AGA: variants seen among roughly 807,000 people sequenced by gnomAD.
AGA encodes the protein aspartylglucosaminidase.
Under a neutral mutation model 40.1 loss-of-function variants are expected in AGA, and 31 were observed. That is an observed-to-expected ratio of 0.77 (90% CI 0.58 to 1.04). The LOEUF is 1.04. Among genes scored for constraint, AGA ranks in the 50% least tolerant of loss-of-function variants. The pLI is 0.00. For synonymous variants in AGA, 148 were observed against 144.0 expected (o/e 1.03, Z -0.20); for missense variants, 445 against 435.4 (o/e 1.02, Z -0.20).
intron 6 of AGA, 86 bp downstream of exon 6, chr4:177,436,190 G>T: frequency 9.0e-7 from 1 of 1,111,582 alleles, no homozygotes; most frequent in Non-Finnish European, 1.4e-6. Flanking sequence ...GACTAGGGCT[G>T]TGCTTTGCAA....
At position 177,434,256 on chromosome 4, in the gene AGA, G is replaced by A. The variant is rs533594414; in HGVS notation, c.806+126C>T. 16 of 868,856 alleles carry A rather than the reference G, an allele frequency of 1.8e-5. No individual in the cohort carries two copies. In the South Asian group the frequency reaches 1.9e-4, roughly 10 times the overall value. 53.8% of individuals were successfully genotyped at this position (868,856 alleles called of 1,614,324 possible). The stretch of plus-strand genomic sequence containing the variant: ...GACCTCAGGTGATCCACCTGCCTCA[G>A]TCTCCCAAAATGCTAGGATTACAGT... On this transcript the variant is annotated intron_variant, in intron 7 of 8. Transcript: ENST00000264595.
intron 5 of AGA, 27 bp from the exon 6 acceptor site, chr4:177,436,378 G>A (rs1736820560): frequency 2.1e-5 from 33 of 1,550,734 alleles, no homozygotes; most frequent in African/African-American, 6.8e-5. Context: ...AAAAATCACT[G>A]TAGGTGTATA....
In AGA at chr4:177,431,411, C is replaced by A; in HGVS notation, c.*297G>T. ...TTAATATATCACTGTGGAAATAAATCTCAAAGTAGCAATTTTTTGCAACAC... is the reference window on the plus strand; with the variant it reads ...TTAATATATCACTGTGGAAATAAATATCAAAGTAGCAATTTTTTGCAACAC... On this transcript the variant is annotated 3_prime_UTR_variant, in exon 9 of 9. Transcript: ENST00000264595. 2.3e-6 allele frequency: 1 copy of A among 441,636 alleles called. No individual in the cohort carries two copies. The allele number at this position is 441,636 out of a possible 1,614,324, so 27.4% of individuals were successfully genotyped here.
intron 3 of AGA, 44 bp downstream of exon 3, chr4:177,439,532 T>C (rs368420255): frequency 6.7e-6 from 9 of 1,345,328 alleles, no homozygotes; most frequent in Non-Finnish European, 9.6e-6. Flanking sequence ...GTGAAAACTA[T>C]AGTCAAAAGA....
At chr4:177,438,662 C>T (rs1736896654) in intron 4 of AGA, 83 bp downstream of exon 4, 2 of 943,216 alleles carry the variant, frequency 2.1e-6, no homozygotes, top group African/African-American at 1.6e-5. Context: ...GTACCCTGGA[C>T]AACAGGCAGG....
chr4:177,437,329 TAGA>T (rs1736855606), intron 5 of AGA, 73 bp downstream of exon 5: 6 of 1,008,916 alleles, frequency 5.9e-6, no homozygotes, highest in Middle Eastern at 2.4e-4. Context: ...CAACTTCTGG[TAGA>T]AGAATAGGGA....
At chr4:177,442,181 G>T in intron 1 of AGA, 68 bp downstream of exon 1, 1 of 1,598,578 alleles carries the variant, frequency 6.3e-7, no homozygotes, top group Non-Finnish European at 8.5e-7. Flanking sequence ...ACTGCAGCGG[G>T]GCGGGCTAGT....
chr4:177,441,489 A>C (rs953266232), intron 1 of AGA, among the ~76,000 whole-genome samples: 1 of 152,218 alleles, frequency 6.6e-6, no homozygotes, highest in Non-Finnish European at 1.5e-5. Flanking sequence ...TGGTACGTAA[A>C]GGCTATTAAC....
At chr4:177,434,357 A>C in intron 7 of AGA, 25 bp downstream of exon 7, 1 of 1,604,774 alleles carries the variant, frequency 6.2e-7, no homozygotes, top group Non-Finnish European at 8.5e-7. Context: ...AAGGTCTCTA[A>C]AATTCACAAA....
intron 1 of AGA, 106 bp downstream of exon 1, chr4:177,442,143 G>GGCGCTCTTCCGT (rs1435981191): frequency 6.6e-7 from 1 of 1,523,216 alleles, no homozygotes; most frequent in Non-Finnish European, 8.9e-7. Context: ...GGCCCAGCCC[G>GGCGCTCTTCCGT]GCGCTCTTCC....
At chr4:177,434,967 T>G (rs1736764054) in intron 6 of AGA, among the ~76,000 whole-genome samples, 1 of 152,090 alleles carries the variant, frequency 6.6e-6, no homozygotes, top group South Asian at 2.1e-4. Context: ...GGCATTGATC[T>G]TGGCTCACTG....
At position 177,442,411 on chromosome 4, in the gene AGA, C is replaced by T. The variant is rs746130532; in HGVS notation, c.-36G>A. The T allele has an allele frequency of 1.9e-6, 3 of 1,613,444 alleles. No homozygotes were observed. Among genetic ancestry groups the T allele is most frequent in the Non-Finnish European group, 2.5e-6 (3 of 1,179,760 alleles). On this transcript the variant is annotated 5_prime_UTR_variant, in exon 1 of 9. Coordinates refer to ENST00000264595, the MANE Select transcript of AGA (RefSeq NM_000027.4). ...CGAAGAGACCAGCGCGAGAAAAGTC[C>T]CGGCAGCCAGCGATCGCCGAACAAT...
intron 1 of AGA, among the ~76,000 whole-genome samples, chr4:177,441,333 G>A (rs1038417125): frequency 5.3e-5 from 8 of 152,228 alleles, no homozygotes; most frequent in African/African-American, 1.9e-4. Flanking sequence ...CGTATGCACT[G>A]CCACCAAATT....
intron 6 of AGA, among the ~76,000 whole-genome samples, chr4:177,435,872 C>T (rs1191045615): frequency 6.6e-6 from 1 of 151,266 alleles, no homozygotes; most frequent in Non-Finnish European, 1.5e-5. Flanking sequence ...CACACACACA[C>T]ACCCCTTCTT....
chr4:177,438,390 C>A (rs6828154), intron 4 of AGA, among the ~76,000 whole-genome samples: 1 of 152,120 alleles, frequency 6.6e-6, no homozygotes, highest in Admixed American at 6.5e-5. Flanking sequence ...ATACACTGCA[C>A]GTAAAATCTA....
At chr4:177,435,235 T>C (rs901307258) in intron 6 of AGA, among the ~76,000 whole-genome samples, 2 of 152,190 alleles carry the variant, frequency 1.3e-5, no homozygotes, top group Admixed American at 1.3e-4. Context: ...AGATTTTAAG[T>C]GTTCTCACCA....
rs184625943 is a variant in AGA at position 177,439,068 on chromosome 4, C to A, written c.395-211G>T. The stretch of plus-strand genomic sequence containing the variant: ...TTCCTAAAACAGATCCACTTAAAAC[C>A]TTTGGGGCATGCATTATAAGAGTTC... On this transcript the variant is annotated intron_variant, in intron 3 of 8. Transcript: ENST00000264595. Among the ~76,000 whole-genome samples the A allele has an allele frequency of 2.0e-5, 3 of 152,184 alleles. No homozygotes were observed. The East Asian group carries it at 5.8e-4, about 29-fold the overall frequency.
At chr4:177,439,755 C>CT (rs1380856120) in intron 2 of AGA, 67 bp from the exon 3 acceptor site, 9 of 1,178,696 alleles carry the variant, frequency 7.6e-6, no homozygotes, top group Non-Finnish European at 1.1e-5. Flanking sequence ...AAAAACATTG[C>CT]TTTTCTCCAA....
chr4:177,437,376 C>A (rs1465440367), intron 5 of AGA, 29 bp downstream of exon 5: 2 of 1,426,084 alleles, frequency 1.4e-6, no homozygotes, highest in Non-Finnish European at 2.0e-6. Flanking sequence ...TAAACTTTAT[C>A]CATAAAAACT....
Sources: allele counts gnomAD v4.1 joint callset (sites outside exome capture counted in the v4.1 genomes callset), GRCh38; gene constraint gnomAD v4.1.1; transcripts MANE v1.5; gene names NCBI Gene and HGNC (gene_info 2026-07-23, HGNC 2026-07-21).